Variants in NADK2 observed in about 807,000 individuals in gnomAD.
NADK2 encodes the protein NAD kinase domain-containing protein 1, mitochondrial.
In NADK2, 35 loss-of-function variants were observed where a neutral mutation model predicts 62.1. That is an observed-to-expected ratio of 0.56 (90% CI 0.43 to 0.75). The LOEUF (loss-of-function observed/expected upper bound fraction) is 0.75. Ranked by LOEUF, NADK2 falls within the 30% of genes least tolerant of loss-of-function variation. NADK2 has a pLI of 0.00. For missense variants in NADK2, 439 were observed against 561.3 expected (o/e 0.78, Z 2.20); for synonymous variants, 205 against 207.9 (o/e 0.99, Z 0.12).
At chr5:36,234,372 CAAAA>C (rs10551356) in intron 1 of NADK2, among the ~76,000 whole-genome samples, 45 of 77,218 alleles carry the variant, frequency 5.8e-4, no homozygotes, top group South Asian at 1.3e-3. Context: ...AACTCCGTCT[CAAAA>C]AAAAAAAAAA....
intron 6 of NADK2, chr5:36,212,162 T>C (rs1385878903): frequency 6.4e-6 from 2 of 313,554 alleles, no homozygotes; most frequent in African/African-American, 4.3e-5. Flanking sequence ...TTAATTCTTC[T>C]TGAAGCAATT....
chr5:36,222,716 T>C (rs1747319599), intron 4 of NADK2, among the ~76,000 whole-genome samples: 4 of 152,192 alleles, frequency 2.6e-5, no homozygotes, highest in African/African-American at 7.2e-5. Context: ...GGAGAGAGAC[T>C]GTAAGCTAGT....
chr5:36,203,092 G>T (rs1225425937), intron 8 of NADK2, among the ~76,000 whole-genome samples: 1 of 152,022 alleles, frequency 6.6e-6, no homozygotes, highest in Non-Finnish European at 1.5e-5. Flanking sequence ...GAGGTCTATG[G>T]TTTACAGATA....
chr5:36,210,087 T>A (rs1046243564), intron 7 of NADK2, among the ~76,000 whole-genome samples: 1 of 152,170 alleles, frequency 6.6e-6, no homozygotes, highest in Non-Finnish European at 1.5e-5. Flanking sequence ...TATGGAACTC[T>A]TAGTAAACTA....
chr5:36,201,786 T>C (rs1561056346), intron 8 of NADK2, among the ~76,000 whole-genome samples: 1 of 151,984 alleles, frequency 6.6e-6, no homozygotes, highest in Non-Finnish European at 1.5e-5. Flanking sequence ...CAAGTATTCT[T>C]TAAATTATAA....
intron 7 of NADK2, chr5:36,208,748 A>G: frequency 2.9e-6 from 3 of 1,040,238 alleles, no homozygotes; most frequent in Non-Finnish European, 4.2e-6. Flanking sequence ...AATGTTCTTA[A>G]ATCTAAGAAC....
At chr5:36,201,419 C>G (rs949715280) in intron 8 of NADK2, among the ~76,000 whole-genome samples, 13 of 151,826 alleles carry the variant, frequency 8.6e-5, no homozygotes, top group African/African-American at 2.4e-4. Flanking sequence ...ATTCTTCAAT[C>G]TAGTAATTTA....
intron 10 of NADK2, among the ~76,000 whole-genome samples, chr5:36,199,701 G>A (rs1487100539): frequency 6.6e-6 from 1 of 151,992 alleles, no homozygotes; most frequent in Non-Finnish European, 1.5e-5. Flanking sequence ...TCACAGCCTT[G>A]CCCAAGTTTC....
chr5:36,210,325 T>C (rs1746793772), intron 7 of NADK2, among the ~76,000 whole-genome samples: 2 of 152,212 alleles, frequency 1.3e-5, no homozygotes, highest in South Asian at 2.1e-4. Context: ...ATGTTGATAA[T>C]GTAAGCCTAA....
intron 1 of NADK2, among the ~76,000 whole-genome samples, chr5:36,235,439 A>T (rs1747867629): frequency 1.3e-5 from 2 of 152,200 alleles, no homozygotes; most frequent in African/African-American, 4.8e-5. Context: ...TCACCTTTCT[A>T]AAAATTATGT....
intron 1 of NADK2, among the ~76,000 whole-genome samples, chr5:36,230,034 A>T (rs1747648329): frequency 6.6e-6 from 1 of 151,740 alleles, no homozygotes; most frequent in Non-Finnish European, 1.5e-5. Flanking sequence ...ACCACTGCAC[A>T]AGCCTCTGAC....
chr5:36,207,410 T>C, intron 7 of NADK2, 145 bp from the exon 8 acceptor site: 1 of 516,678 alleles, frequency 1.9e-6, no homozygotes, highest in Non-Finnish European at 3.4e-6. Context: ...ATGATGCTAA[T>C]TCCAATACTG....
At chr5:36,219,788 T>G in intron 4 of NADK2, 109 bp from the exon 5 acceptor site, 6 of 794,260 alleles carry the variant, frequency 7.6e-6, no homozygotes, top group Non-Finnish European at 1.2e-5. Context: ...AGAAATGAAA[T>G]TCTAAAAATG....
intron 1 of NADK2, among the ~76,000 whole-genome samples, chr5:36,240,412 C>T (rs1579646965): frequency 6.6e-6 from 1 of 152,202 alleles, no homozygotes; most frequent in East Asian, 1.9e-4. Flanking sequence ...AATAACTTCG[C>T]TAAGATCACA....
chr5:36,210,203 C>T (rs1010904302), intron 7 of NADK2, among the ~76,000 whole-genome samples: 1 of 152,144 alleles, frequency 6.6e-6, no homozygotes, highest in Non-Finnish European at 1.5e-5. Context: ...TTACTTACAT[C>T]TACAAGGATG....
intron 7 of NADK2, among the ~76,000 whole-genome samples, chr5:36,208,253 C>A (rs1746710893): frequency 6.6e-6 from 1 of 151,976 alleles, no homozygotes; most frequent in Admixed American, 6.6e-5. Context: ...TCTCTATAGT[C>A]AGAATTTCTT....
intron 4 of NADK2, among the ~76,000 whole-genome samples, chr5:36,220,000 T>A (rs1470170220): frequency 1.3e-5 from 2 of 152,194 alleles, no homozygotes; most frequent in East Asian, 3.8e-4. Context: ...TACAGTGTTG[T>A]TCAAATCATT....
At chr5:36,202,224 C>T (rs1161516681) in intron 8 of NADK2, among the ~76,000 whole-genome samples, 1 of 152,062 alleles carries the variant, frequency 6.6e-6, no homozygotes, top group Admixed American at 6.6e-5. Flanking sequence ...TAAAATCAGA[C>T]ATAACCTCTA....
chr5:36,219,209 T>C (rs1424907519), intron 5 of NADK2, among the ~76,000 whole-genome samples: 1 of 152,172 alleles, frequency 6.6e-6, no homozygotes, highest in Non-Finnish European at 1.5e-5. Flanking sequence ...GTTCTGGTTT[T>C]TTGTGTGTTT....
Sources: allele counts gnomAD v4.1 joint callset (sites outside exome capture counted in the v4.1 genomes callset), GRCh38; gene constraint gnomAD v4.1.1; transcripts MANE v1.5; gene names NCBI Gene and HGNC (gene_info 2026-07-23, HGNC 2026-07-21).